ZNF385B: variants seen among roughly 807,000 people sequenced by gnomAD.
ZNF385B encodes zinc finger protein 385B, also known as zinc finger protein 533.
Under a neutral mutation model 39.2 loss-of-function variants are expected in ZNF385B, and 23 were observed. That is an observed-to-expected ratio of 0.59 (90% confidence interval 0.42 to 0.83). The LOEUF is 0.83. Among genes scored for constraint, ZNF385B ranks in the 40% least tolerant of loss-of-function variants. The probability of loss-of-function intolerance (pLI) is 0.00; values close to 1 mark genes in which losing one functional copy is unlikely to be tolerated. For synonymous variants in ZNF385B, 205 were observed against 222.6 expected (o/e 0.92, Z 0.70); for missense variants, 552 against 598.9 (o/e 0.92, Z 0.82).
At chr2:179,687,674 AAG>A (rs1422754783) in intron 3 of ZNF385B, among the ~76,000 whole-genome samples, 1 of 152,186 alleles carries the variant, frequency 6.6e-6, no homozygotes, top group Non-Finnish European at 1.5e-5. Context: ...GATCTGGAGT[AAG>A]ATAGGCCTTA....
chr2:179,623,559 G>A (rs1690403518), intron 3 of ZNF385B, among the ~76,000 whole-genome samples: 1 of 152,162 alleles, frequency 6.6e-6, no homozygotes, highest in African/African-American at 2.4e-5. Context: ...AGACGGCACA[G>A]TAGCAGCAGA....
chr2:179,853,049 A>G (rs774095335), intron 1 of ZNF385B, among the ~76,000 whole-genome samples: 8 of 152,226 alleles, frequency 5.3e-5, no homozygotes, highest in Non-Finnish European at 8.8e-5. Context: ...GTAATGAGGT[A>G]TATATGGACT....
intron 1 of ZNF385B, among the ~76,000 whole-genome samples, chr2:179,804,243 G>C (rs904727617): frequency 1.3e-5 from 2 of 152,008 alleles, no homozygotes; most frequent in Admixed American, 6.6e-5. Flanking sequence ...TCACATAGAG[G>C]GAAGACCTCT....
Position 179,472,090 on chromosome 2 carries a change from G to A in ZNF385B, c.715+11182C>T, listed in dbSNP as rs535951739. 2.6e-5 allele frequency among the ~76,000 whole-genome samples: 4 copies of A among 152,230 alleles called. No individual in the cohort carries two copies. In the South Asian group the frequency reaches 8.3e-4, roughly 32 times the overall value. ...TAGAATCCGGGAAGAGGAATTAACT[G>A]GTCTAATGGAATACACATCATTATG... On this transcript the variant is annotated intron_variant, in intron 6 of 9. Coordinates refer to ENST00000410066, the MANE Select transcript of ZNF385B (RefSeq NM_152520.6).
intron 3 of ZNF385B, among the ~76,000 whole-genome samples, chr2:179,598,958 G>A (rs1432058429): frequency 6.6e-6 from 1 of 152,036 alleles, no homozygotes; most frequent in African/African-American, 2.4e-5. Flanking sequence ...TATATTAAGT[G>A]CTTTAGATGT....
intron 3 of ZNF385B, among the ~76,000 whole-genome samples, chr2:179,676,367 C>T (rs927386803): frequency 1.3e-5 from 2 of 151,520 alleles, no homozygotes; most frequent in African/African-American, 2.4e-5. Context: ...GGATTACAGG[C>T]GTGAGCCACC....
intron 3 of ZNF385B, among the ~76,000 whole-genome samples, chr2:179,626,517 C>A (rs1437829251): frequency 3.3e-5 from 5 of 152,170 alleles, no homozygotes; most frequent in African/African-American, 1.2e-4. Context: ...AGGAACACAT[C>A]AACCCAGATA....
chr2:179,783,293 A>C (rs1182713183), intron 1 of ZNF385B, among the ~76,000 whole-genome samples: 1 of 152,224 alleles, frequency 6.6e-6, no homozygotes, highest in Non-Finnish European at 1.5e-5. Flanking sequence ...AGAAGATTGA[A>C]GCTGGATCCC....
At chr2:179,757,949 G>A (rs993607071) in intron 3 of ZNF385B, among the ~76,000 whole-genome samples, 11 of 152,042 alleles carry the variant, frequency 7.2e-5, no homozygotes, top group East Asian at 1.9e-4. Flanking sequence ...GCTCACGCTC[G>A]GTGGGCTGCA....
At chr2:179,799,371 T>C (rs2106552293) in intron 1 of ZNF385B, among the ~76,000 whole-genome samples, 2 of 152,232 alleles carry the variant, frequency 1.3e-5, no homozygotes, top group South Asian at 2.1e-4. Context: ...AGAGTCAGTG[T>C]TGTATTCCTT....
intron 3 of ZNF385B, chr2:179,584,196 T>C (rs1166125236): frequency 1.2e-5 from 4 of 335,060 alleles, no homozygotes; most frequent in African/African-American, 8.7e-5. Context: ...ATTATAGGGA[T>C]GTAGGCAGCA....
chr2:179,625,371 C>T (rs1189816670), intron 3 of ZNF385B, among the ~76,000 whole-genome samples: 1 of 151,550 alleles, frequency 6.6e-6, no homozygotes, highest in Non-Finnish European at 1.5e-5. Context: ...TTCCTCTAGC[C>T]TTACTTATTT....
At chr2:179,672,726 A>G (rs1041224003) in intron 3 of ZNF385B, among the ~76,000 whole-genome samples, 3 of 152,214 alleles carry the variant, frequency 2.0e-5, no homozygotes, top group Admixed American at 6.5e-5. Flanking sequence ...TTTTTCATCT[A>G]TGATGAAGTG....
chr2:179,521,992 T>C (rs2058541444), intron 4 of ZNF385B, among the ~76,000 whole-genome samples: 1 of 152,316 alleles, frequency 6.6e-6, no homozygotes, highest in Admixed American at 6.5e-5. Flanking sequence ...TTAAATTCTA[T>C]AGTTATATTT....
chr2:179,448,625 T>C (rs1307755360), intron 6 of ZNF385B, among the ~76,000 whole-genome samples: 1 of 152,126 alleles, frequency 6.6e-6, no homozygotes, highest in African/African-American at 2.4e-5. Context: ...AGAAAACTTG[T>C]GAAATAGGTA....
intron 1 of ZNF385B, among the ~76,000 whole-genome samples, chr2:179,795,826 C>A (rs1316650083): frequency 6.6e-6 from 1 of 152,114 alleles, no homozygotes; most frequent in Non-Finnish European, 1.5e-5. Context: ...AATTATGAAG[C>A]AATCCCCAGT....
intron 3 of ZNF385B, among the ~76,000 whole-genome samples, chr2:179,721,481 C>T (rs917737412): frequency 5.3e-5 from 8 of 152,166 alleles, no homozygotes; most frequent in Admixed American, 3.3e-4. Flanking sequence ...ACTTATCAGG[C>T]TATTACATAC....
At chr2:179,503,615 C>T (rs563165409) in intron 5 of ZNF385B, among the ~76,000 whole-genome samples, 1 of 152,310 alleles carries the variant, frequency 6.6e-6, no homozygotes, top group Non-Finnish European at 1.5e-5. Context: ...ATATCCCCTT[C>T]TATAACTATC....
chr2:179,578,648 C>T (rs1686131109), intron 3 of ZNF385B, among the ~76,000 whole-genome samples: 1 of 152,088 alleles, frequency 6.6e-6, no homozygotes, highest in Admixed American at 6.6e-5. Flanking sequence ...TGATGATGCT[C>T]AGAATTGAAT....
Sources: gnomAD v4.1 joint callset for allele counts (sites outside exome capture counted in the v4.1 genomes callset) on GRCh38, gnomAD v4.1.1 for gene constraint, MANE v1.5 for transcripts, NCBI Gene and HGNC (gene_info 2026-07-23, HGNC 2026-07-21) for gene names.